The following KCND3 variants were observed in gnomAD, a reference collection of about 807,000 sequenced individuals.
KCND3 encodes potassium voltage-gated channel subfamily D member 3.
In KCND3, 9 loss-of-function variants were observed where a neutral mutation model predicts 51.1. The observed-to-expected ratio is 0.18, with a 90% CI of 0.11 to 0.31. KCND3 has a LOEUF of 0.31. Ranked by LOEUF, KCND3 falls within the 10% of genes least tolerant of loss-of-function variation. KCND3 has a pLI of 1.00. For missense variants in KCND3, 526 were observed against 903.8 expected (o/e 0.58, Z 5.36); for synonymous variants, 349 against 368.0 (o/e 0.95, Z 0.59).
At chr1:111,887,154 C>T (rs746681616) in intron 2 of KCND3, among the ~76,000 whole-genome samples, 2 of 152,096 alleles carry the variant, frequency 1.3e-5, no homozygotes, top group Middle Eastern at 3.2e-3. Flanking sequence ...AGGTGAGTGC[C>T]GAGGAGAAAC....
At chr1:111,911,620 C>T (rs932974557) in intron 2 of KCND3, among the ~76,000 whole-genome samples, 3 of 152,196 alleles carry the variant, frequency 2.0e-5, no homozygotes, top group Non-Finnish European at 1.5e-5. Flanking sequence ...ATTTGGACTA[C>T]ACCACTCAAG....
At chr1:111,948,301 T>C (rs1672886326) in intron 2 of KCND3, among the ~76,000 whole-genome samples, 1 of 152,126 alleles carries the variant, frequency 6.6e-6, no homozygotes, top group African/African-American at 2.4e-5. Context: ...TGACTCCAGC[T>C]CCTGGAAAAG....
chr1:111,857,402 C>T (rs1668125394), intron 2 of KCND3, among the ~76,000 whole-genome samples: 1 of 152,172 alleles, frequency 6.6e-6, no homozygotes, highest in African/African-American at 2.4e-5. Flanking sequence ...CGAAGTGTTC[C>T]TGTGGGCTGA....
chr1:111,787,130 T>C, intron 2 of KCND3, 24 bp from the exon 3 acceptor site: 1 of 1,613,358 alleles, frequency 6.2e-7, no homozygotes, highest in South Asian at 1.1e-5. Context: ...AGAAACAGGG[T>C]GTAAGGGAGA....
chr1:111,833,783 G>C (rs1181120819), intron 2 of KCND3, among the ~76,000 whole-genome samples: 6 of 151,742 alleles, frequency 4.0e-5, no homozygotes, highest in Non-Finnish European at 8.8e-5. Flanking sequence ...TGTGTAGATA[G>C]ATATTCAAGG....
intron 2 of KCND3, among the ~76,000 whole-genome samples, chr1:111,977,529 G>A (rs889087306): frequency 1.6e-4 from 24 of 152,226 alleles, no homozygotes; most frequent in African/African-American, 2.2e-4. Flanking sequence ...ATAGGCTGCC[G>A]GTCTCAATTA....
chr1:111,957,207 C>G (rs1489952205), intron 2 of KCND3, among the ~76,000 whole-genome samples: 1 of 152,200 alleles, frequency 6.6e-6, no homozygotes, highest in Non-Finnish European at 1.5e-5. Flanking sequence ...CCACAAGATT[C>G]TTTCTCCAGG....
chr1:111,806,043 G>A (rs908700372), intron 2 of KCND3, among the ~76,000 whole-genome samples: 2 of 152,170 alleles, frequency 1.3e-5, no homozygotes, highest in African/African-American at 2.4e-5. Context: ...TTCACCAAGC[G>A]ACATCTCACG....
At chr1:111,783,311 C>T (rs895057372) in intron 3 of KCND3, among the ~76,000 whole-genome samples, 2 of 151,970 alleles carry the variant, frequency 1.3e-5, no homozygotes, top group Admixed American at 1.3e-4. Flanking sequence ...CCAAATGATG[C>T]TTCCAGAACA....
intron 2 of KCND3, among the ~76,000 whole-genome samples, chr1:111,970,025 T>C (rs1571921474): frequency 1.3e-5 from 2 of 152,096 alleles, no homozygotes; most frequent in Non-Finnish European, 2.9e-5. Context: ...CTCTCTCTTT[T>C]TTTTTTTGGA....
chr1:111,836,952 T>C (rs1667095294), intron 2 of KCND3, among the ~76,000 whole-genome samples: 1 of 152,174 alleles, frequency 6.6e-6, no homozygotes, highest in Non-Finnish European at 1.5e-5. Context: ...GTCTTGTACT[T>C]TTCCCCACCC....
intron 2 of KCND3, among the ~76,000 whole-genome samples, chr1:111,968,481 G>T (rs1038676878): frequency 1.3e-5 from 2 of 152,242 alleles, no homozygotes; most frequent in Non-Finnish European, 2.9e-5. Context: ...CAGCAGAGGA[G>T]AAAGTGAGGA....
intron 2 of KCND3, among the ~76,000 whole-genome samples, chr1:111,888,030 G>A (rs1459035762): frequency 2.0e-5 from 3 of 152,266 alleles, no homozygotes; most frequent in Non-Finnish European, 4.4e-5. Flanking sequence ...GGTACCCCTG[G>A]CTGGGTGTAC....
At chr1:111,798,234 C>T (rs1436453880) in intron 2 of KCND3, among the ~76,000 whole-genome samples, 2 of 152,162 alleles carry the variant, frequency 1.3e-5, no homozygotes, top group Admixed American at 6.5e-5. Flanking sequence ...CCCATATGCA[C>T]TGGGCTCCTC....
chr1:111,863,029 G>A (rs1317143501), intron 2 of KCND3, among the ~76,000 whole-genome samples: 1 of 152,110 alleles, frequency 6.6e-6, no homozygotes, highest in South Asian at 2.1e-4. Flanking sequence ...AATAGAAAGC[G>A]GACTAATGAT....
At chr1:111,844,868 C>T (rs149514341) in intron 2 of KCND3, among the ~76,000 whole-genome samples, 1 of 152,176 alleles carries the variant, frequency 6.6e-6, no homozygotes, top group Non-Finnish European at 1.5e-5. Flanking sequence ...GGACTTTGTT[C>T]CAGCAATTGT....
chr1:111,775,054 C>T lies in KCND3; in HGVS notation c.*1023G>A, dbSNP rs1664053904. 6.6e-6 allele frequency: 1 copy of T among 152,292 alleles called. No individual in the cohort carries two copies. 9.4% of individuals were successfully genotyped at this position (152,292 alleles called of 1,614,324 possible). On this transcript the variant is annotated 3_prime_UTR_variant, in exon 8 of 8. Transcript: ENST00000302127. Reference sequence around the variant, plus strand: ...TTCCCAGAAACTGAAACTGCAAACACGAGTGGTTCCAACCCCAAGGGAAGT... The same window carrying T: ...TTCCCAGAAACTGAAACTGCAAACATGAGTGGTTCCAACCCCAAGGGAAGT...
intron 2 of KCND3, among the ~76,000 whole-genome samples, chr1:111,806,511 G>A (rs926214810): frequency 6.6e-6 from 1 of 152,198 alleles, no homozygotes; most frequent in African/African-American, 2.4e-5. Context: ...TTTCTCATCT[G>A]TAAATGGGAA....
intron 2 of KCND3, among the ~76,000 whole-genome samples, chr1:111,796,021 TA>T (rs368702274): frequency 1.1e-4 from 17 of 152,374 alleles, no homozygotes; most frequent in African/African-American, 4.1e-4. Flanking sequence ...GCCCACTTTT[TA>T]ATGGGGTTAT....
Sources: allele counts gnomAD v4.1 joint callset (sites outside exome capture counted in the v4.1 genomes callset), GRCh38; gene constraint gnomAD v4.1.1; transcripts MANE v1.5; gene names NCBI Gene and HGNC (gene_info 2026-07-23, HGNC 2026-07-21).